The following OTOGL variants were observed in gnomAD, a reference collection of about 807,000 sequenced individuals.
OTOGL encodes otogelin like.
A neutral mutation model predicts 318.5 loss-of-function variants in OTOGL; 285 were observed. The observed-to-expected ratio is 0.89, with a 90% CI of 0.81 to 0.99. The LOEUF (loss-of-function observed/expected upper bound fraction) is 0.99. OTOGL is among the 50% of genes least tolerant of loss of function. The pLI is 0.00. For missense variants in OTOGL, 2,899 were observed against 2,845.6 expected, an observed-to-expected ratio of 1.02 and a Z score of -0.43; for synonymous variants, 987 against 936.5, an observed-to-expected ratio of 1.05 and a Z score of -0.99.
intron 1 of OTOGL, among the ~76,000 whole-genome samples, chr12:80,126,166 T>C (rs1230872056): frequency 2.6e-5 from 4 of 152,226 alleles, no homozygotes; most frequent in African/African-American, 4.8e-5. Flanking sequence ...TGCTTTCTCT[T>C]GTGGGCATTT....
Position 80,366,511 on chromosome 12 carries a change from TTATATA to T in OTOGL, c.6268-48_6268-43del, listed in dbSNP as rs35874282. Reference sequence around the variant, plus strand: ...ATATCAATTGTTTTATATATATAGGTTATATATATATATATATATAAAATAAGCTAA... The same window carrying T: ...ATATCAATTGTTTTATATATATAGGTTATATATATATATAAAATAAGCTAA... On this transcript the variant is annotated intron_variant, in intron 52 of 58. Transcript: ENST00000547103. The T allele has an allele frequency of 3.4e-5, 6 of 176,348 alleles. 1 individual carries two copies. The highest frequency in any genetic ancestry group is 1.4e-4 in the Admixed American group (2 of 14,328). The allele number at this position is 176,348 out of a possible 1,614,324, so 10.9% of individuals were successfully genotyped here. A position where few individuals can be genotyped will look rare whatever the true frequency, so the allele number is the denominator to read the frequency against.
chr12:80,342,088 A>C lies in OTOGL; in HGVS notation c.5191A>C (p.Asn1731His). The C allele has an allele frequency of 6.2e-7, 1 of 1,606,850 alleles. No homozygotes were observed. The change falls in exon 44 of 59, where the codon AAT (asparagine) becomes CAT (histidine). Residue 1731 changes from asparagine (N) to histidine (H), a missense_variant. Coordinates refer to ENST00000547103, the MANE Select transcript of OTOGL (RefSeq NM_001378609.3). The part of the protein sequence containing the change: ...FEVTMRRPVR[N>H]CTEHDCSQCI... ...AGTAACAATGAGAAGACCTGTTAGG[A>C]ATTGTACTGAGCATGATTGCAGCCA... is the stretch of plus-strand genomic sequence containing the variant.
intron 1 of OTOGL, among the ~76,000 whole-genome samples, chr12:80,129,178 G>C (rs1871078654): frequency 6.6e-6 from 1 of 152,138 alleles, no homozygotes; most frequent in African/African-American, 2.4e-5. Flanking sequence ...GGCCATCTTG[G>C]CTCCACCCAC....
At chr12:80,189,858 C>CG (rs1273526643) in intron 1 of OTOGL, among the ~76,000 whole-genome samples, 2 of 152,066 alleles carry the variant, frequency 1.3e-5, no homozygotes, top group African/African-American at 2.4e-5. Flanking sequence ...GTTAGCTATA[C>CG]GGGAGGAAGC....
Position 80,378,116 on chromosome 12 carries a change from C to G in OTOGL, c.*68C>G. The G allele has an allele frequency of 8.3e-7, 1 of 1,206,044 alleles. No homozygotes were observed. The highest frequency in any genetic ancestry group is 1.5e-5 in the African/African-American group (1 of 65,996). The allele number at this position is 1,206,044 out of a possible 1,614,324, so 74.7% of individuals were successfully genotyped here. On this transcript the variant is annotated 3_prime_UTR_variant, in exon 59 of 59. Coordinates refer to ENST00000547103, the MANE Select transcript of OTOGL (RefSeq NM_001378609.3). ...ATAGAATTAACTTTTATTGCTATTA[C>G]TTAGGCATGTGGCAGATTTATGCTG...
chr12:80,255,949 C>CT (rs1377953598), intron 16 of OTOGL, among the ~76,000 whole-genome samples: 4 of 151,662 alleles, frequency 2.6e-5, no homozygotes, highest in Admixed American at 6.6e-5. Context: ...GCTTTATTGA[C>CT]TTTTTTTGTC....
intron 1 of OTOGL, among the ~76,000 whole-genome samples, chr12:80,100,407 A>C (rs555236116): frequency 6.6e-6 from 1 of 152,170 alleles, no homozygotes; most frequent in African/African-American, 2.4e-5. Flanking sequence ...ATTATACATT[A>C]TATCTTTTTA....
intron 29 of OTOGL, among the ~76,000 whole-genome samples, chr12:80,308,492 C>G (rs1457659601): frequency 8.6e-5 from 13 of 150,492 alleles, no homozygotes; most frequent in Non-Finnish European, 1.9e-4. Context: ...ACTGGGCAGC[C>G]AGGCAGAGGG....
At chr12:80,285,753 C>T (rs1046209810) in intron 26 of OTOGL, among the ~76,000 whole-genome samples, 10 of 152,086 alleles carry the variant, frequency 6.6e-5, no homozygotes, top group Admixed American at 2.6e-4. Context: ...AGTTGCTTAT[C>T]AGCTTAAGGA....
chr12:80,260,585 T>C (rs1882447912), intron 18 of OTOGL, among the ~76,000 whole-genome samples: 1 of 152,204 alleles, frequency 6.6e-6, no homozygotes. Flanking sequence ...TCACAAAGGT[T>C]AATGTGAATA....
At chr12:80,322,368 G>A (rs977584168) in intron 34 of OTOGL, among the ~76,000 whole-genome samples, 2 of 152,136 alleles carry the variant, frequency 1.3e-5, no homozygotes, top group Non-Finnish European at 2.9e-5. Context: ...TTAGAGAACT[G>A]CAGCACATGG....
chr12:80,331,531 G>A (rs535953690), intron 37 of OTOGL, among the ~76,000 whole-genome samples: 5 of 151,624 alleles, frequency 3.3e-5, no homozygotes, highest in South Asian at 4.2e-4. Flanking sequence ...GTAGAGGCGG[G>A]GTTTCGCCAT....
chr12:80,192,257 T>C (rs959910161), intron 1 of OTOGL, among the ~76,000 whole-genome samples: 3 of 152,190 alleles, frequency 2.0e-5, no homozygotes, highest in South Asian at 2.1e-4. Context: ...CACTTTGCTG[T>C]GTGGTTGATT....
intron 1 of OTOGL, among the ~76,000 whole-genome samples, chr12:80,147,048 A>G (rs891659768): frequency 6.7e-6 from 1 of 150,056 alleles, no homozygotes; most frequent in African/African-American, 2.4e-5. Context: ...TTGTGTCTCT[A>G]TTTCCTTCAG....
At chr12:80,271,028 G>A (rs559810477) in intron 23 of OTOGL, among the ~76,000 whole-genome samples, 4 of 152,218 alleles carry the variant, frequency 2.6e-5, no homozygotes, top group African/African-American at 9.6e-5. Context: ...ATTCAGACAA[G>A]CCTAGGGCTT....
chr12:80,288,802 T>C (rs1040040907), intron 26 of OTOGL, among the ~76,000 whole-genome samples: 11 of 152,102 alleles, frequency 7.2e-5, no homozygotes, highest in African/African-American at 2.7e-4. Context: ...CTGTAACCTT[T>C]TATCAAGGTT....
intron 1 of OTOGL, among the ~76,000 whole-genome samples, chr12:80,108,834 T>TTGTATATATGTG (rs1869633847): frequency 9.5e-6 from 1 of 105,770 alleles, no homozygotes; most frequent in South Asian, 2.8e-4. Context: ...TGTATATATA[T>TTGTATATATGTG]TGTATATATA....
At chr12:80,212,127 G>A in intron 4 of OTOGL, 130 bp downstream of exon 4, 1 of 934,596 alleles carries the variant, frequency 1.1e-6, no homozygotes, top group Non-Finnish European at 1.6e-6. Flanking sequence ...GAAGGAGGAG[G>A]AAGAAGCAAA....
Position 80,358,264 on chromosome 12 carries a change from C to A in OTOGL, c.6036C>A (p.Thr2012=). The A allele has an allele frequency of 1.2e-6, 2 of 1,611,124 alleles. No homozygotes were observed. Among genetic ancestry groups the A allele is most frequent in the South Asian group, 2.2e-5 (2 of 90,616 alleles). The change falls in exon 50 of 59, where the codon ACC becomes ACA. Residue 2012 remains threonine, a synonymous_variant. Coordinates refer to ENST00000547103, the MANE Select transcript of OTOGL (RefSeq NM_001378609.3). The part of the protein sequence containing the change: ...FSPFCVCESC[T]KPVPLCHDGE... Reference sequence around the variant, plus strand: ...TTACCTTAGTTTGTGAATCTTGCACCAAACCTGTTCCACTATGTCATGATG... The same window carrying A: ...TTACCTTAGTTTGTGAATCTTGCACAAAACCTGTTCCACTATGTCATGATG...
Sources: gnomAD v4.1 joint callset for allele counts (sites outside exome capture counted in the v4.1 genomes callset) on GRCh38, gnomAD v4.1.1 for gene constraint, MANE v1.5 for transcripts, NCBI Gene and HGNC (gene_info 2026-07-23, HGNC 2026-07-21) for gene names.